The following KCNH5 variants were observed in gnomAD, a reference collection of about 807,000 sequenced individuals.
KCNH5 encodes potassium voltage-gated channel subfamily H member 5.
In KCNH5, 46 loss-of-function variants were observed where a neutral mutation model predicts 96.1. That is an observed-to-expected ratio of 0.48 (90% CI 0.38 to 0.61). The LOEUF is 0.61. Among genes scored for constraint, KCNH5 ranks in the 20% least tolerant of loss-of-function variants. The pLI is 0.00. For missense variants in KCNH5, 907 were observed against 1,225.8 expected (o/e 0.74, Z 3.88); for synonymous variants, 439 against 449.8 (o/e 0.98, Z 0.30).
At chr14:62,816,998 G>A (rs1886992636) in intron 8 of KCNH5, among the ~76,000 whole-genome samples, 1 of 147,254 alleles carries the variant, frequency 6.8e-6, no homozygotes, top group African/African-American at 2.5e-5. Context: ...GTTCTTTTTT[G>A]TGACTTTATT....
intron 3 of KCNH5, among the ~76,000 whole-genome samples, chr14:63,002,617 T>A (rs1315094726): frequency 6.6e-6 from 1 of 152,182 alleles, no homozygotes; most frequent in Non-Finnish European, 1.5e-5. Flanking sequence ...TAAGAAGCAC[T>A]TCTATTCCCA....
chr14:62,981,994 T>C (rs1418437972), intron 5 of KCNH5, among the ~76,000 whole-genome samples: 2 of 152,132 alleles, frequency 1.3e-5, no homozygotes, highest in African/African-American at 4.8e-5. Context: ...AGAAAGCAGA[T>C]GACAGAGCAA....
chr14:62,768,361 A>G (rs1885910238), intron 10 of KCNH5, among the ~76,000 whole-genome samples: 1 of 152,202 alleles, frequency 6.6e-6, no homozygotes, highest in African/African-American at 2.4e-5. Flanking sequence ...ATTAATACAA[A>G]CCCTTGTTTT....
rs367789984 is a variant in KCNH5, at chr14:62,705,952, T to G, written c.*1556A>C. On this transcript the variant is annotated 3_prime_UTR_variant, in exon 11 of 11. Coordinates refer to ENST00000322893, the MANE Select transcript of KCNH5 (RefSeq NM_139318.5). ...AACTTCATGCAAACACTAACTCCCC[T>G]GCTCCCCATATTAAATGCTGTGCAT... is the stretch of plus-strand genomic sequence containing the variant. The G allele has an allele frequency of 3.5e-4, 53 of 152,248 alleles. No homozygotes were observed. The highest frequency in any genetic ancestry group is 1.2e-3 in the African/African-American group (50 of 41,566). The allele number at this position is 152,248 out of a possible 1,614,324, so 9.4% of individuals were successfully genotyped here. A position where few individuals can be genotyped will look rare whatever the true frequency, so the allele number is the denominator to read the frequency against.
At chr14:62,888,089 G>C (rs950414657) in intron 7 of KCNH5, among the ~76,000 whole-genome samples, 1 of 152,178 alleles carries the variant, frequency 6.6e-6, no homozygotes, top group Non-Finnish European at 1.5e-5. Flanking sequence ...TCCCAATCAA[G>C]ACTGAGGCTC....
chr14:62,838,818 T>C (rs79204196), intron 8 of KCNH5, among the ~76,000 whole-genome samples: 49 of 152,272 alleles, frequency 3.2e-4, no homozygotes, highest in African/African-American at 1.1e-3. Flanking sequence ...AGTATACATG[T>C]GTTGGAAAGA....
chr14:62,942,917 T>C (rs759596872), intron 7 of KCNH5, among the ~76,000 whole-genome samples: 3 of 152,162 alleles, frequency 2.0e-5, no homozygotes, highest in South Asian at 2.1e-4. Flanking sequence ...ATATACTGCA[T>C]GGGTCAGCCT....
At chr14:62,855,265 T>C (rs958942921) in intron 7 of KCNH5, among the ~76,000 whole-genome samples, 1 of 152,154 alleles carries the variant, frequency 6.6e-6, no homozygotes, top group Non-Finnish European at 1.5e-5. Context: ...ACTATGTAGG[T>C]GGTTCGACCA....
At chr14:62,837,039 T>C in intron 8 of KCNH5, among the ~76,000 whole-genome samples, 1 of 152,186 alleles carries the variant, frequency 6.6e-6, no homozygotes, top group East Asian at 1.9e-4. Flanking sequence ...CATAGGATGT[T>C]TGTGATCATT....
At chr14:63,013,901 G>T (rs1891276302) in intron 2 of KCNH5, among the ~76,000 whole-genome samples, 1 of 151,998 alleles carries the variant, frequency 6.6e-6, no homozygotes, top group Admixed American at 6.6e-5. Flanking sequence ...AACATAAAAT[G>T]GATATAGTTT....
rs116429336 is a variant in KCNH5, at chr14:62,955,716, C to T, written c.943-5157G>A. Among the ~76,000 whole-genome samples, 1,095 of 152,304 alleles carry T rather than the reference C, an allele frequency of 7.2e-3. 14 individuals are homozygous for T. The highest frequency in any genetic ancestry group is 0.025 in the African/African-American group (1,035 of 41,570). ...AGATTAAATACCTAGCCTCCTCTTT[C>T]CCTCCACTCAGTCACAGCAATGGCC... is the stretch of plus-strand genomic sequence containing the variant. On this transcript the variant is annotated intron_variant, in intron 6 of 10. Transcript: ENST00000322893.
At chr14:62,831,584 T>C (rs953376623) in intron 8 of KCNH5, among the ~76,000 whole-genome samples, 18 of 152,252 alleles carry the variant, frequency 1.2e-4, no homozygotes, top group African/African-American at 3.6e-4. Flanking sequence ...TATTTCTTAC[T>C]GATTTTCAAG....
intron 2 of KCNH5, among the ~76,000 whole-genome samples, chr14:63,013,345 A>G (rs1041457360): frequency 1.3e-5 from 2 of 152,114 alleles, no homozygotes; most frequent in African/African-American, 4.8e-5. Flanking sequence ...TCTGAGATAT[A>G]TAGTGTCAAA....
chr14:62,969,539 G>A (rs561962468), intron 6 of KCNH5, among the ~76,000 whole-genome samples: 9 of 152,124 alleles, frequency 5.9e-5, no homozygotes, highest in African/African-American at 1.7e-4. Context: ...TGAATAATGA[G>A]AGCATGTGGA....
rs1010592530 is a variant in KCNH5, at chr14:62,967,936, T to G, written c.942+12936A>C. 2.6e-5 allele frequency among the ~76,000 whole-genome samples: 4 copies of G among 152,234 alleles called. No homozygotes were observed. In the East Asian group the frequency reaches 5.8e-4, roughly 22 times the overall value. ...ATCAGTACAGATAAAAAAATTTTTATGTAAACAAGAAAATCAAATAAAGGA... is the reference window on the plus strand; with the variant it reads ...ATCAGTACAGATAAAAAAATTTTTAGGTAAACAAGAAAATCAAATAAAGGA... On this transcript the variant is annotated intron_variant, in intron 6 of 10. Transcript: ENST00000322893.
Position 62,702,700 on chromosome 14 carries a change from T to G in KCNH5, c.*4808A>C, listed in dbSNP as rs137900040. 1,659 of 152,116 alleles carry G rather than the reference T, an allele frequency of 0.011. 36 individuals are homozygous for G. Among genetic ancestry groups the G allele is most frequent in the Admixed American group, 0.037 (568 of 15,284 alleles). The allele number at this position is 152,116 out of a possible 1,614,324, so 9.4% of individuals were successfully genotyped here. On this transcript the variant is annotated 3_prime_UTR_variant, in exon 11 of 11. Transcript: ENST00000322893. ...ATCAGTCTTTTCTCAACCCTTGCCT[T>G]CATCATCTTTCTAGTTCCCAGTCCA...
intron 7 of KCNH5, among the ~76,000 whole-genome samples, chr14:62,927,987 C>A (rs375313269): frequency 1.3e-5 from 2 of 152,044 alleles, no homozygotes; most frequent in Non-Finnish European, 2.9e-5. Context: ...GATTTCATCC[C>A]GACACTGTGA....
chr14:62,804,954 G>A (rs991924916), intron 8 of KCNH5, among the ~76,000 whole-genome samples: 3 of 152,120 alleles, frequency 2.0e-5, no homozygotes, highest in African/African-American at 7.2e-5. Flanking sequence ...CATCTGGACA[G>A]TTTGACTGGT....
At position 62,802,484 on chromosome 14, in the gene KCNH5, T is replaced by C; in HGVS notation, c.1667A>G (p.Asp556Gly). The change falls in exon 9 of 11, where the codon GAT becomes GGT. Residue 556 changes from aspartate to glycine, a missense_variant. By Grantham distance (94) the Asp-to-Gly change is moderately conservative. This residue lies in a region of KCNH5 where 95 missense variants were observed against 111.8 expected (regional missense o/e 0.85). Transcript: ENST00000322893. ...NEHPAFRLASDGCLRALAVEF... is the reference protein window; with the variant it reads ...NEHPAFRLASGGCLRALAVEF... ...TACCGCCAAGGCGCGCAGACACCCA[T>C]CGCTGGCCAATCGAAAAGCAGGATG... The C allele has an allele frequency of 6.2e-7, 1 of 1,614,076 alleles. No individual in the cohort carries two copies. Among genetic ancestry groups the C allele is most frequent in the South Asian group, 1.1e-5 (1 of 91,082 alleles).
Sources: gnomAD v4.1 joint callset for allele counts (sites outside exome capture counted in the v4.1 genomes callset) on GRCh38, gnomAD v4.1.1 for gene constraint, gnomAD v4.1.1 regional missense constraint, MANE v1.5 for transcripts, NCBI Gene and HGNC (gene_info 2026-07-23, HGNC 2026-07-21) for gene names.